ANO10: variants seen among roughly 807,000 people sequenced by gnomAD.
ANO10 encodes anoctamin 10.
ANO10 carries 77 observed loss-of-function variants against 74.7 expected under a neutral mutation model. The observed-to-expected ratio is 1.03, with a 90% CI of 0.86 to 1.25. The LOEUF (loss-of-function observed/expected upper bound fraction) is 1.25. Among genes scored for constraint, ANO10 ranks in the 50% most tolerant of loss-of-function variants. The probability of loss-of-function intolerance (pLI) is 0.00; values close to 1 mark genes in which losing one functional copy is unlikely to be tolerated. For synonymous variants in ANO10, 279 were observed against 284.9 expected, an observed-to-expected ratio of 0.98 and a Z score of 0.21; for missense variants, 721 against 778.1, an observed-to-expected ratio of 0.93 and a Z score of 0.87.
At chr3:43,689,361 A>C (rs1017192889) in intron 1 of ANO10, 2 of 152,092 alleles carry the variant, frequency 1.3e-5, no homozygotes, top group African/African-American at 4.8e-5. Context: ...TTCCCTAATA[A>C]ATCACCTTTT....
chr3:43,369,901 T>C (rs1053857725), intron 12 of ANO10, among the ~76,000 whole-genome samples: 7 of 152,184 alleles, frequency 4.6e-5, no homozygotes, highest in Non-Finnish European at 8.8e-5. Flanking sequence ...CTTTTCTGTG[T>C]AAATGGGGCA....
intron 8 of ANO10, among the ~76,000 whole-genome samples, chr3:43,565,101 T>A (rs1385887931): frequency 6.6e-6 from 1 of 152,220 alleles, no homozygotes; most frequent in Non-Finnish European, 1.5e-5. Flanking sequence ...AAAACAGCCA[T>A]TTACTTATAA....
At chr3:43,689,298 C>T (rs1294213469) in intron 1 of ANO10, 1 of 152,178 alleles carries the variant, frequency 6.6e-6, no homozygotes, top group Non-Finnish European at 1.5e-5. Context: ...AGGGTAACAG[C>T]ACAGAGATTT....
chr3:43,525,453 G>GTTT (rs2078153738), intron 11 of ANO10, among the ~76,000 whole-genome samples: 1 of 152,174 alleles, frequency 6.6e-6, no homozygotes, highest in South Asian at 2.1e-4. Context: ...GTTCATGCTA[G>GTTT]ATAAAGCTCC....
upstream of ANO10, among the ~76,000 whole-genome samples, chr3:43,623,528 A>G (rs1326531214): frequency 6.6e-6 from 1 of 152,220 alleles, no homozygotes; most frequent in African/African-American, 2.4e-5. Context: ...ACAAGCAATA[A>G]TTCTGAAATG....
chr3:43,658,572 C>T (rs1431894139), intron 1 of ANO10, among the ~76,000 whole-genome samples: 4 of 152,100 alleles, frequency 2.6e-5, no homozygotes, highest in Middle Eastern at 3.4e-3. Context: ...TGGGTTCAAG[C>T]GATTCTCCTG....
intron 12 of ANO10, among the ~76,000 whole-genome samples, chr3:43,430,515 T>G (rs963356690): frequency 6.6e-6 from 1 of 152,122 alleles, no homozygotes; most frequent in Non-Finnish European, 1.5e-5. Flanking sequence ...AACAGCTGTT[T>G]GCCATCAAAC....
chr3:43,599,843 T>C (rs756426777), intron 3 of ANO10, among the ~76,000 whole-genome samples: 1 of 151,868 alleles, frequency 6.6e-6, no homozygotes, highest in Non-Finnish European at 1.5e-5. Context: ...GAGGCGGAGC[T>C]TGCAGTGAGC....
intron 12 of ANO10, among the ~76,000 whole-genome samples, chr3:43,393,938 C>A (rs999023211): frequency 6.6e-6 from 1 of 152,098 alleles, no homozygotes; most frequent in Admixed American, 6.5e-5. Flanking sequence ...TGCTGCCCAG[C>A]CCCTAATTTT....
rs1323238911 is a variant in ANO10 at position 43,467,886 on chromosome 3, G to T, written c.1798-35159C>A. On this transcript the variant is annotated intron_variant, in intron 11 of 12. Coordinates refer to ENST00000292246, the MANE Select transcript of ANO10 (RefSeq NM_018075.5). The stretch of plus-strand genomic sequence containing the variant: ...AACCAAATTGTAAAGACAATTAAAA[G>T]AAAATACAAACGAATTTAGAGTTTT... Among the ~76,000 whole-genome samples the T allele has an allele frequency of 2.6e-5, 4 of 152,118 alleles. No individual in the cohort carries two copies. The East Asian group carries it at 7.7e-4, about 29-fold the overall frequency.
intron 12 of ANO10, chr3:43,424,494 T>G (rs1269035056): frequency 6.6e-6 from 1 of 152,244 alleles, no homozygotes. Context: ...ATGTAGAATC[T>G]AAGATCGGTC....
chr3:43,673,207 A>C (rs2084080914), intron 1 of ANO10, among the ~76,000 whole-genome samples: 2 of 152,208 alleles, frequency 1.3e-5, no homozygotes, highest in Non-Finnish European at 1.5e-5. Flanking sequence ...CTTAGAACCA[A>C]GTATTTATTG....
intron 4 of ANO10, among the ~76,000 whole-genome samples, chr3:43,587,802 G>GA (rs1295425285): frequency 3.4e-5 from 5 of 148,582 alleles, no homozygotes; most frequent in African/African-American, 9.9e-5. Context: ...TTTTAATCAA[G>GA]AAAAAAAAAG....
chr3:43,446,398 C>T (rs1415636864), intron 11 of ANO10, among the ~76,000 whole-genome samples: 2 of 152,210 alleles, frequency 1.3e-5, no homozygotes, highest in Non-Finnish European at 2.9e-5. Context: ...ACTGGCAAGT[C>T]TTTGCTCTGA....
intron 2 of ANO10, among the ~76,000 whole-genome samples, chr3:43,602,999 AT>A (rs2082404276): frequency 6.6e-6 from 1 of 152,182 alleles, no homozygotes; most frequent in African/African-American, 2.4e-5. Context: ...CCCATCACCT[AT>A]TCTCACAGTA....
intron 11 of ANO10, among the ~76,000 whole-genome samples, chr3:43,512,620 T>G (rs1209060086): frequency 6.6e-6 from 1 of 152,086 alleles, no homozygotes; most frequent in Non-Finnish European, 1.5e-5. Context: ...TGCAGAGAGA[T>G]AAGTCAAGGA....
chr3:43,674,933 A>C (rs1316285807), intron 1 of ANO10, among the ~76,000 whole-genome samples: 1 of 152,212 alleles, frequency 6.6e-6, no homozygotes. Context: ...AAAAGCTGAA[A>C]GCTGTTCCAT....
intron 12 of ANO10, among the ~76,000 whole-genome samples, chr3:43,411,458 A>G (rs1056486594): frequency 3.3e-5 from 5 of 152,216 alleles, no homozygotes; most frequent in Non-Finnish European, 7.3e-5. Context: ...AAGCAGATGA[A>G]GTGAGATTTA....
intron 1 of ANO10, among the ~76,000 whole-genome samples, chr3:43,633,954 G>A (rs1466167713): frequency 7.0e-6 from 1 of 141,964 alleles, no homozygotes; most frequent in Non-Finnish European, 1.5e-5. Context: ...TAGCAAACCT[G>A]CTCAACCTGA....
Sources: allele counts gnomAD v4.1 joint callset (sites outside exome capture counted in the v4.1 genomes callset), GRCh38; gene constraint gnomAD v4.1.1; transcripts MANE v1.5; gene names NCBI Gene and HGNC (gene_info 2026-07-23, HGNC 2026-07-21).